AGBL4: variants seen among roughly 807,000 people sequenced by gnomAD.
AGBL4 encodes AGBL carboxypeptidase 4, also known as cytosolic carboxypeptidase 6.
AGBL4 carries 58 observed loss-of-function variants against 66.4 expected under a neutral mutation model. The ratio of observed to expected loss-of-function variants is 0.87; its 90% CI spans 0.71 to 1.09. AGBL4 has a LOEUF of 1.09. AGBL4 is among the 50% of genes least tolerant of loss of function. The pLI is 0.00. For missense variants in AGBL4, 579 were observed against 631.0 expected (o/e 0.92, Z 0.88); for synonymous variants, 234 against 222.9 (o/e 1.05, Z -0.44).
intron 3 of AGBL4, among the ~76,000 whole-genome samples, chr1:49,246,418 T>A (rs1651646082): frequency 6.6e-6 from 1 of 151,892 alleles, no homozygotes; most frequent in South Asian, 2.1e-4. Context: ...ATTCTACAAC[T>A]ACTTGAAACC....
intron 3 of AGBL4, among the ~76,000 whole-genome samples, chr1:49,342,962 C>A (rs1285665700): frequency 6.6e-6 from 1 of 152,088 alleles, no homozygotes; most frequent in African/African-American, 2.4e-5. Flanking sequence ...AATATTGGCC[C>A]TTTGTCCTGA....
At chr1:48,661,050 A>G (rs944366698) in intron 7 of AGBL4, among the ~76,000 whole-genome samples, 1 of 152,184 alleles carries the variant, frequency 6.6e-6, no homozygotes, top group African/African-American at 2.4e-5. Flanking sequence ...AAGAAACCCC[A>G]TTTGACAGAT....
At chr1:49,207,121 CTATT>C (rs1387223908) in intron 4 of AGBL4, among the ~76,000 whole-genome samples, 1 of 152,036 alleles carries the variant, frequency 6.6e-6, no homozygotes, top group Non-Finnish European at 1.5e-5. Context: ...TAAAAAAAGA[CTATT>C]TAGAAATGGT....
intron 3 of AGBL4, among the ~76,000 whole-genome samples, chr1:49,571,098 C>A (rs77553534): frequency 1.3e-5 from 2 of 149,482 alleles, no homozygotes; most frequent in Admixed American, 1.3e-4. Context: ...GTATTTTAGG[C>A]CTTTTTTTTT....
intron 3 of AGBL4, among the ~76,000 whole-genome samples, chr1:49,459,860 A>G (rs779231652): frequency 6.6e-6 from 1 of 151,598 alleles, no homozygotes; most frequent in Non-Finnish European, 1.5e-5. Flanking sequence ...AGGTTGTGTC[A>G]CTATTATCTT....
Position 49,096,009 on chromosome 1 carries a change from C to T in AGBL4, c.378-50209G>A, listed in dbSNP as rs548040955. On this transcript the variant is annotated intron_variant, in intron 4 of 13. Coordinates refer to ENST00000371839, the MANE Select transcript of AGBL4 (RefSeq NM_032785.4). ...AATTTACAAAAAAAAACAAACAACC[C>T]CATCAAAAAGTGGGCAAAGGATATG... 1.2e-3 allele frequency among the ~76,000 whole-genome samples: 175 copies of T among 152,058 alleles called. 2 individuals carry two copies. The highest frequency in any genetic ancestry group is 1.9e-3 in the Non-Finnish European group (128 of 67,996).
chr1:49,727,421 G>T (rs1649113354), intron 2 of AGBL4, among the ~76,000 whole-genome samples: 3 of 151,952 alleles, frequency 2.0e-5, no homozygotes, highest in Non-Finnish European at 2.9e-5. Context: ...TTCTGTATTT[G>T]ACATAAAAGC....
At chr1:49,382,220 C>T (rs867304169) in intron 3 of AGBL4, among the ~76,000 whole-genome samples, 18 of 152,046 alleles carry the variant, frequency 1.2e-4, no homozygotes, top group African/African-American at 2.9e-4. Context: ...GGAACAAGAA[C>T]GAGAACAAGA....
chr1:48,779,352 C>T (rs1326160785), intron 6 of AGBL4, among the ~76,000 whole-genome samples: 1 of 152,190 alleles, frequency 6.6e-6, no homozygotes, highest in Non-Finnish European at 1.5e-5. Flanking sequence ...TTAGCAGGTC[C>T]CAAGCTTTTG....
chr1:49,732,566 A>G (rs929382041), intron 2 of AGBL4, among the ~76,000 whole-genome samples: 1 of 152,166 alleles, frequency 6.6e-6, no homozygotes, highest in Non-Finnish European at 1.5e-5. Flanking sequence ...AGAGAGTCCC[A>G]AAAAGGATAC....
chr1:48,843,871 C>T (rs1646857167), intron 6 of AGBL4, among the ~76,000 whole-genome samples: 1 of 152,120 alleles, frequency 6.6e-6, no homozygotes, highest in African/African-American at 2.4e-5. Context: ...AATGGGTAAA[C>T]TCAATGGGTC....
chr1:50,016,044 T>G (rs1661953565), intron 1 of AGBL4, among the ~76,000 whole-genome samples: 1 of 152,096 alleles, frequency 6.6e-6, no homozygotes, highest in South Asian at 2.1e-4. Flanking sequence ...ACTTGGGAAA[T>G]ACCATTTTGC....
chr1:50,006,830 C>A (rs542086821), intron 1 of AGBL4, among the ~76,000 whole-genome samples: 1 of 152,246 alleles, frequency 6.6e-6, no homozygotes, highest in South Asian at 2.1e-4. Flanking sequence ...AAAGGGAGTT[C>A]TTCAGTTTAA....
chr1:49,935,290 C>T lies in AGBL4; in HGVS notation c.35-83772G>A, dbSNP rs577403524. On this transcript the variant is annotated intron_variant, in intron 1 of 13. Transcript: ENST00000371839. Reference sequence around the variant, plus strand: ...GCAGCAAGGCTGGGGGAGGGGCGCCCGCCATTGCCCAGGCTTGCTTAGATA... The same window carrying T: ...GCAGCAAGGCTGGGGGAGGGGCGCCTGCCATTGCCCAGGCTTGCTTAGATA... Among the ~76,000 whole-genome samples the T allele has an allele frequency of 7.6e-4, 116 of 152,356 alleles. 1 individual carries two copies. Among genetic ancestry groups the T allele is most frequent in the Admixed American group, 2.4e-3 (36 of 15,312 alleles).
chr1:49,400,927 C>T (rs1645071670), intron 3 of AGBL4, among the ~76,000 whole-genome samples: 1 of 152,140 alleles, frequency 6.6e-6, no homozygotes, highest in Non-Finnish European at 1.5e-5. Flanking sequence ...TTTTCCCATT[C>T]AGTATACTAG....
At chr1:48,530,464 G>T (rs1244627618), downstream of AGBL4, among the ~76,000 whole-genome samples, 1 of 152,174 alleles carries the variant, frequency 6.6e-6, no homozygotes, top group Non-Finnish European at 1.5e-5. Context: ...CAGGTCTCAG[G>T]TGTGTCAGTT....
rs747657670 is a variant in AGBL4, at chr1:48,758,956, T to A, written c.635-95715A>T. The stretch of plus-strand genomic sequence containing the variant: ...GAGCCTCCGGTTAAGGTCACGGAGC[T>A]CCTTCATTTCAGACACAAGTGCCCC... On this transcript the variant is annotated intron_variant, in intron 6 of 13. Coordinates refer to ENST00000371839, the MANE Select transcript of AGBL4 (RefSeq NM_032785.4). 2.4e-5 allele frequency: 39 copies of A among 1,600,354 alleles called. No individual in the cohort carries two copies. The highest frequency in any genetic ancestry group is 2.3e-4 in the Admixed American group (13 of 57,592).
chr1:48,847,530 A>G (rs1646948121), intron 6 of AGBL4, among the ~76,000 whole-genome samples: 1 of 152,080 alleles, frequency 6.6e-6, no homozygotes, highest in Admixed American at 6.5e-5. Flanking sequence ...CTAAAATAGG[A>G]TTTGATATTT....
intron 4 of AGBL4, among the ~76,000 whole-genome samples, chr1:49,074,833 T>C (rs553858430): frequency 5.9e-5 from 9 of 152,178 alleles, no homozygotes; most frequent in Non-Finnish European, 1.3e-4. Flanking sequence ...AACAGAAGGA[T>C]ACCTTTCAGG....
Sources: gnomAD v4.1 joint callset for allele counts (sites outside exome capture counted in the v4.1 genomes callset) on GRCh38, gnomAD v4.1.1 for gene constraint, MANE v1.5 for transcripts, NCBI Gene and HGNC (gene_info 2026-07-23, HGNC 2026-07-21) for gene names.